Variants in PRR12 observed in about 807,000 individuals in gnomAD.
PRR12 encodes the protein proline rich 12.
Under a neutral mutation model 138.0 loss-of-function variants are expected in PRR12, and 12 were observed. That is an observed-to-expected ratio of 0.09 (90% CI 0.06 to 0.14). The LOEUF is 0.14. PRR12 is among the 10% of genes least tolerant of loss of function. The probability of loss-of-function intolerance (pLI) is 1.00; values close to 1 mark genes in which losing one functional copy is unlikely to be tolerated. For missense variants in PRR12, 2,692 were observed against 2,861.3 expected (o/e 0.94, Z 1.35); for synonymous variants, 1,567 against 1,291.7 (o/e 1.21, Z -4.57).
chr19:49,603,035 A>G (rs1476335123), intron 6 of PRR12, among the ~76,000 whole-genome samples: 1 of 152,242 alleles, frequency 6.6e-6, no homozygotes, highest in Non-Finnish European at 1.5e-5. Context: ...ATTCATTTAC[A>G]TGTTGTCTAT....
Position 49,599,979 on chromosome 19 carries a change from T to C in PRR12, c.4345+41T>C, listed in dbSNP as rs1356635124. 1.3e-6 allele frequency: 2 copies of C among 1,518,346 alleles called. No individual in the cohort carries two copies. The highest frequency in any genetic ancestry group is 2.8e-5 in the African/African-American group (2 of 72,140). The allele number at this position is 1,518,346 out of a possible 1,614,324, so 94.1% of individuals were successfully genotyped here. On this transcript the variant is annotated intron_variant, in intron 5 of 13. Coordinates refer to ENST00000418929, the MANE Select transcript of PRR12 (RefSeq NM_020719.3). This position sits in a 1 kb window ranked among gnomAD's most constrained non-coding sequence, Gnocchi z 5.0. ...GTGGTCTGGGAGTAGAGCTTAAAGG[T>C]TATTATGATCACTAGGTAACAGTTG...
Position 49,594,569 on chromosome 19 carries a change from C to T in PRR12, c.315C>T (p.Ser105=), listed in dbSNP as rs371603329. 552 of 1,613,234 alleles carry T rather than the reference C, an allele frequency of 3.4e-4. 2 individuals are homozygous for T. The South Asian group carries it at 5.3e-3, about 15-fold the overall frequency. Reference sequence around the variant, plus strand: ...CCCGGGGCCCCCAGCCTGGCCCCTCCGCCTCCTCTCTCCTCTCCCAGTTCC... The same window carrying T: ...CCCGGGGCCCCCAGCCTGGCCCCTCTGCCTCCTCTCTCCTCTCCCAGTTCC... ...LESRGPQPGP[S]ASSLLSQFRS... is the part of the protein sequence containing the mutation. The change falls in exon 3 of 14, where the codon TCC becomes TCT. Residue 105 remains serine (S), a synonymous_variant. Transcript: ENST00000418929. The surrounding 1 kb of genome is among the most constrained non-coding windows in gnomAD (Gnocchi z 5.6).
intron 8 of PRR12, among the ~76,000 whole-genome samples, 197 bp downstream of exon 8, chr19:49,615,206 AG>A: frequency 6.9e-6 from 1 of 145,566 alleles, no homozygotes; most frequent in South Asian, 2.3e-4. Context: ...ACCCAGAGAC[AG>A]GAGGGGAACA....
rs1007007126 is a variant in PRR12, at chr19:49,619,697, A to T, written c.5498-655A>T. ...GCTGGGATTACAGGCATGCACCACC[A>T]TGCCCGGCTAATTTTGTATTTCTTA... On this transcript the variant is annotated intron_variant, in intron 9 of 13. Transcript: ENST00000418929. Among the ~76,000 whole-genome samples the T allele has an allele frequency of 1.5e-4, 22 of 146,000 alleles. No homozygotes were observed. In the South Asian group the frequency reaches 3.5e-3, roughly 23 times the overall value.
intron 6 of PRR12, among the ~76,000 whole-genome samples, chr19:49,610,546 A>ACTTTTTTTTT (rs2080860573): frequency 3.3e-5 from 4 of 121,654 alleles, no homozygotes; most frequent in Admixed American, 8.5e-5. Flanking sequence ...CCCTGTTCCT[A>ACTTTTTTTTT]TTTTTTTTTT....
At position 49,596,851 on chromosome 19, in the gene PRR12, C is replaced by A; in HGVS notation, c.2516C>A (p.Pro839Gln). 1 of 1,574,124 alleles carries A rather than the reference C, an allele frequency of 6.4e-7. No individual in the cohort carries two copies. The change falls in exon 4 of 14, where the codon CCA becomes CAA. Residue 839 changes from proline (P) to glutamine (Q), a missense_variant. Pro to Gln is a moderately conservative substitution (Grantham distance 76). Around this residue, in one of 11 missense-constraint regions of PRR12, gnomAD observed 840 missense variants for 689.8 expected, o/e 1.22. Transcript: ENST00000418929. This position sits in a 1 kb window ranked among gnomAD's most constrained non-coding sequence, Gnocchi z 5.6. ...GGGGCACCCCAGCCACCTCCACCGC[C>A]ACCCCCGCCTCCACCACCCATGCCC... ...RDGAPQPPPP[P>Q]PPPPPPMPLQ...
At chr19:49,620,555 TGA>T in intron 10 of PRR12, 78 bp downstream of exon 10, 1 of 1,526,250 alleles carries the variant, frequency 6.6e-7, no homozygotes, top group South Asian at 1.2e-5. Context: ...GGACGTGATG[TGA>T]GAGAGGAGAG....
At chr19:49,606,551 C>T (rs2080839121) in intron 6 of PRR12, among the ~76,000 whole-genome samples, 1 of 151,212 alleles carries the variant, frequency 6.6e-6, no homozygotes, top group African/African-American at 2.4e-5. Flanking sequence ...ATTTGCGCCG[C>T]CTCCCCCGCC....
chr19:49,601,975 G>A, intron 6 of PRR12, 57 bp downstream of exon 6: 1 of 1,568,060 alleles, frequency 6.4e-7, no homozygotes, highest in South Asian at 1.2e-5. Context: ...CCTGTTTGTT[G>A]AGTGCCCGCT....
chr19:49,593,925 G>A (rs572814118), intron 2 of PRR12, among the ~76,000 whole-genome samples: 2 of 152,010 alleles, frequency 1.3e-5, no homozygotes, highest in South Asian at 4.1e-4. Flanking sequence ...CCTCTTCCTA[G>A]GGGTACTGGT....
At position 49,595,722 on chromosome 19, in the gene PRR12, G is replaced by A. The variant is rs770385100; in HGVS notation, c.1387G>A (p.Gly463Arg). The change falls in exon 4 of 14, where the codon GGG (glycine) becomes AGG (arginine). Residue 463 changes from glycine (G) to arginine (R), a missense_variant. Gly to Arg is a moderately radical substitution (Grantham distance 125). Transcript: ENST00000418929. The stretch of plus-strand genomic sequence containing the variant: ...CCAGGCCTACGGGCAAGGGTTTGGA[G>A]GGGGGCAGGCACAGGACTTGAGCAA... ...GPQAYGQGFG[G>R]GQAQDLSKAP... 1.3e-6 allele frequency: 2 copies of A among 1,591,822 alleles called. No individual in the cohort carries two copies. Among genetic ancestry groups the A allele is most frequent in the African/African-American group, 1.3e-5 (1 of 74,378 alleles).
In PRR12 at chr19:49,594,433, A is replaced by G; in HGVS notation, c.200-21A>G. 6.5e-7 allele frequency: 1 copy of G among 1,549,934 alleles called. No homozygotes were observed. The highest frequency in any genetic ancestry group is 1.2e-5 in the South Asian group (1 of 80,310). On this transcript the variant is annotated intron_variant, in intron 2 of 13. Transcript: ENST00000418929. This position sits in a 1 kb window ranked among gnomAD's most constrained non-coding sequence, Gnocchi z 5.6. The stretch of plus-strand genomic sequence containing the variant: ...CCTACCCACCCCCACCTGGCTGACT[A>G]TAACCCCTGTCCCCGGCCAGGCCTC...
chr19:49,617,982 C>T (rs1008172163), intron 9 of PRR12, among the ~76,000 whole-genome samples: 1 of 152,118 alleles, frequency 6.6e-6, no homozygotes, highest in African/African-American at 2.4e-5. Context: ...CCTATAATCA[C>T]AGCGACTCGG....
chr19:49,591,829 C>T (rs1421024277), intron 1 of PRR12, 89 bp downstream of exon 1: 3 of 725,520 alleles, frequency 4.1e-6, no homozygotes, highest in Non-Finnish European at 5.9e-6. Context: ...CGCCCGGCGA[C>T]GCGTGCATCG....
intron 6 of PRR12, among the ~76,000 whole-genome samples, chr19:49,606,917 C>T (rs2080841437): frequency 1.3e-5 from 2 of 151,916 alleles, no homozygotes; most frequent in African/African-American, 4.8e-5. Flanking sequence ...TTGTTTATTC[C>T]AGAAAAACAG....
intron 6 of PRR12, among the ~76,000 whole-genome samples, chr19:49,611,749 C>T (rs1369337211): frequency 6.8e-6 from 1 of 146,426 alleles, no homozygotes; most frequent in Non-Finnish European, 1.5e-5. Context: ...CGGTGAAACC[C>T]CGCCTCTACT....
chr19:49,599,810 A>G lies in PRR12; in HGVS notation c.4217A>G (p.Asp1406Gly). 1 of 1,613,390 alleles carries G rather than the reference A, an allele frequency of 6.2e-7. No homozygotes were observed. The highest frequency in any genetic ancestry group is 8.5e-7 in the Non-Finnish European group (1 of 1,179,844). ...ESISSAISAL[D>G]DPPLAGPKDT... ...ATCTCCTCCGCCATCTCTGCCCTCG[A>G]TGACCCACCCCTTGCTGGGCCAAAA... The change falls in exon 5 of 14, where the codon GAT becomes GGT. Residue 1406 changes from aspartate to glycine, a missense_variant. By Grantham distance (94) the Asp-to-Gly change is moderately conservative. Transcript: ENST00000418929. This position sits in a 1 kb window ranked among gnomAD's most constrained non-coding sequence, Gnocchi z 5.0.
chr19:49,597,191 G>T lies in PRR12; in HGVS notation c.2856G>T (p.Glu952Asp). Residue 952 changes from glutamate to aspartate, a missense_variant, in exon 4 of 14, where the codon GAG becomes GAT. This residue lies in a region of PRR12 where 840 missense variants were observed against 689.8 expected (regional missense o/e 1.22). Coordinates refer to ENST00000418929, the MANE Select transcript of PRR12 (RefSeq NM_020719.3). This position sits in a 1 kb window ranked among gnomAD's most constrained non-coding sequence, Gnocchi z 6.3. ...EERSFFPTME[E>D]MFGGGAADDY... ...GCAGCTTCTTCCCCACCATGGAGGA[G>T]ATGTTCGGTGGAGGGGCCGCGGACG... 1 of 1,558,130 alleles carries T rather than the reference G, an allele frequency of 6.4e-7. No homozygotes were observed. The highest frequency in any genetic ancestry group is 8.7e-7 in the Non-Finnish European group (1 of 1,151,126).
intron 9 of PRR12, among the ~76,000 whole-genome samples, chr19:49,619,173 G>T (rs1568431371): frequency 6.6e-6 from 1 of 150,770 alleles, no homozygotes; most frequent in Non-Finnish European, 1.5e-5. Context: ...ATCACTCAAG[G>T]CTCAGCCTTT....
Sources: allele counts gnomAD v4.1 joint callset (sites outside exome capture counted in the v4.1 genomes callset), GRCh38; gene constraint gnomAD v4.1.1; regional missense constraint gnomAD v4.1.1; non-coding constraint Gnocchi (gnomAD v3.1); transcripts MANE v1.5; gene names NCBI Gene and HGNC (gene_info 2026-07-23, HGNC 2026-07-21).